ANKS1A: variants seen among roughly 807,000 people sequenced by gnomAD.
ANKS1A encodes the protein ankyrin repeat and sterile alpha motif domain containing 1A.
In ANKS1A, 55 loss-of-function variants were observed where a neutral mutation model predicts 120.3. That is an observed-to-expected ratio of 0.46 (90% CI 0.37 to 0.57). The LOEUF is 0.57. Ranked by LOEUF, ANKS1A falls within the 20% of genes least tolerant of loss-of-function variation. The probability of loss-of-function intolerance (pLI) is 0.00; values close to 1 mark genes in which losing one functional copy is unlikely to be tolerated. For missense variants in ANKS1A, 1,123 were observed against 1,480.3 expected (o/e 0.76, Z 3.96); for synonymous variants, 590 against 604.7 (o/e 0.98, Z 0.36).
At chr6:34,943,663 C>T (rs1250336540) in intron 1 of ANKS1A, among the ~76,000 whole-genome samples, 1 of 152,208 alleles carries the variant, frequency 6.6e-6, no homozygotes, top group Non-Finnish European at 1.5e-5. Flanking sequence ...ACTGAAATAT[C>T]TAGTTGGAAT....
rs1777554030 is a variant in ANKS1A at position 35,079,601 on chromosome 6, CCTT to C, written c.2373_2375del (p.Phe791del). 5 of 1,614,198 alleles carry C rather than the reference CCTT, an allele frequency of 3.1e-6. No homozygotes were observed. The highest frequency in any genetic ancestry group is 4.2e-6 in the Non-Finnish European group (5 of 1,180,030). ...CTGGGGCTGCAGGACTACGTCCATTCCTTCTTGTCAAGTGGTTACAGCTCCATT... is the reference window on the plus strand; with the variant it reads ...CTGGGGCTGCAGGACTACGTCCATTCCTTGTCAAGTGGTTACAGCTCCATT... On this transcript the variant is annotated inframe_deletion, in exon 15 of 24. Coordinates refer to ENST00000360359, the MANE Select transcript of ANKS1A (RefSeq NM_015245.3).
chr6:35,095,148 A>G (rs1778422672), downstream of ANKS1A, among the ~76,000 whole-genome samples: 1 of 151,372 alleles, frequency 6.6e-6, no homozygotes, highest in Admixed American at 6.6e-5. Context: ...TCTCAAAAAA[A>G]AAAAAAAAAA....
At chr6:35,054,988 G>T (rs942961624) in intron 12 of ANKS1A, among the ~76,000 whole-genome samples, 2 of 152,202 alleles carry the variant, frequency 1.3e-5, no homozygotes, top group Non-Finnish European at 2.9e-5. Flanking sequence ...GCCCTGAAGG[G>T]GTGGAAATTC....
chr6:35,095,649 T>TAAAA (rs60295651), downstream of ANKS1A, among the ~76,000 whole-genome samples: 538 of 128,598 alleles, frequency 4.2e-3, 5 homozygotes, highest in African/African-American at 0.011. Context: ...ACTTTTGTGT[T>TAAAA]AAAAAAAAAA....
chr6:35,085,669 A>G lies in ANKS1A; in HGVS notation c.3133-97A>G. The G allele has an allele frequency of 7.5e-7, 1 of 1,325,492 alleles. No homozygotes were observed. The highest frequency in any genetic ancestry group is 1.0e-6 in the Non-Finnish European group (1 of 983,002). The allele number at this position is 1,325,492 out of a possible 1,614,324, so 82.1% of individuals were successfully genotyped here. ...AGGAGGTAGGAGCGCTCCCGGGTAG[A>G]CTTAGAGGGGGACACATGGTCCCTG... On this transcript the variant is annotated intron_variant, in intron 21 of 23. Coordinates refer to ENST00000360359, the MANE Select transcript of ANKS1A (RefSeq NM_015245.3). The surrounding 1 kb of genome is among the most constrained non-coding windows in gnomAD (Gnocchi z 4.7).
chr6:34,988,484 T>C (rs368830930), intron 8 of ANKS1A, among the ~76,000 whole-genome samples: 215 of 152,292 alleles, frequency 1.4e-3, no homozygotes, highest in African/African-American at 4.9e-3. Flanking sequence ...TAGTCCCAGC[T>C]ACTCGGGAGG....
At chr6:35,061,151 C>T (rs1179859972) in intron 13 of ANKS1A, among the ~76,000 whole-genome samples, 1 of 152,182 alleles carries the variant, frequency 6.6e-6, no homozygotes, top group Non-Finnish European at 1.5e-5. Context: ...AATCCATTGC[C>T]CAGATGAAGG....
chr6:34,994,644 A>G (rs1265136723), intron 10 of ANKS1A, among the ~76,000 whole-genome samples: 2 of 152,156 alleles, frequency 1.3e-5, no homozygotes, highest in African/African-American at 2.4e-5. Context: ...TATGCGAAGC[A>G]AGGAAAAGGT....
At chr6:34,893,905 A>G (rs531293398) in intron 1 of ANKS1A, among the ~76,000 whole-genome samples, 58 of 152,340 alleles carry the variant, frequency 3.8e-4, no homozygotes, top group African/African-American at 1.4e-3. Context: ...ATTATGTTCA[A>G]TATAGCTTGT....
chr6:35,032,105 AT>A (rs1209295811), intron 11 of ANKS1A, among the ~76,000 whole-genome samples: 2 of 152,246 alleles, frequency 1.3e-5, no homozygotes, highest in African/African-American at 4.8e-5. Context: ...GGAGAGATAG[AT>A]ATTAAGCAAG....
intron 1 of ANKS1A, among the ~76,000 whole-genome samples, chr6:34,909,619 G>A (rs1412330241): frequency 6.6e-6 from 1 of 152,168 alleles, no homozygotes; most frequent in African/African-American, 2.4e-5. Context: ...GCTGGCCAAC[G>A]GAGTTATAGA....
chr6:35,020,893 A>G (rs1251985640), intron 11 of ANKS1A, among the ~76,000 whole-genome samples: 1 of 152,230 alleles, frequency 6.6e-6, no homozygotes, highest in East Asian at 1.9e-4. Context: ...TGTGACTGAA[A>G]TGCAAAAGCC....
chr6:35,006,039 T>C (rs1265626929), intron 10 of ANKS1A, among the ~76,000 whole-genome samples: 1 of 151,878 alleles, frequency 6.6e-6, no homozygotes, highest in Non-Finnish European at 1.5e-5. Context: ...ATACAAAAAA[T>C]TAGCTGGGTG....
At chr6:35,092,303 C>T (rs369615401), downstream of ANKS1A, among the ~76,000 whole-genome samples, 3 of 152,112 alleles carry the variant, frequency 2.0e-5, no homozygotes, top group African/African-American at 7.2e-5. Flanking sequence ...CTTAAAAGGG[C>T]CTTAAAAAAG....
intron 1 of ANKS1A, among the ~76,000 whole-genome samples, chr6:34,901,819 G>T (rs1265408520): frequency 6.6e-6 from 1 of 152,108 alleles, no homozygotes; most frequent in Non-Finnish European, 1.5e-5. Flanking sequence ...ACAGGACTGA[G>T]GTGTTCTGTT....
At chr6:34,984,391 A>T (rs1199206598) in intron 7 of ANKS1A, among the ~76,000 whole-genome samples, 1 of 152,240 alleles carries the variant, frequency 6.6e-6, no homozygotes, top group Non-Finnish European at 1.5e-5. Flanking sequence ...GTGCAGGGAG[A>T]TACGGGCTGA....
At chr6:35,061,688 C>G (rs906227901) in intron 13 of ANKS1A, among the ~76,000 whole-genome samples, 1 of 152,220 alleles carries the variant, frequency 6.6e-6, no homozygotes, top group Non-Finnish European at 1.5e-5. Flanking sequence ...TTTTAGAAAT[C>G]TTAAGTTTTA....
At position 34,999,283 on chromosome 6, in the gene ANKS1A, G is replaced by A. The variant is rs1441092205; in HGVS notation, c.1423+4861G>A. On this transcript the variant is annotated intron_variant, in intron 10 of 23. Coordinates refer to ENST00000360359, the MANE Select transcript of ANKS1A (RefSeq NM_015245.3). ...GAAGCATGGCCTGATCACCCATGGC[G>A]TGCCTGTACCGGCACTTTGGTTTTT... Among the ~76,000 whole-genome samples, 6 of 152,324 alleles carry A rather than the reference G, an allele frequency of 3.9e-5. No individual in the cohort carries two copies. In the South Asian group the frequency reaches 1.2e-3, roughly 32 times the overall value.
Position 34,964,078 on chromosome 6 carries a change from A to G in ANKS1A, c.198-3161A>G, listed in dbSNP as rs1048368279. Among the ~76,000 whole-genome samples, 5 of 152,056 alleles carry G rather than the reference A, an allele frequency of 3.3e-5. No individual in the cohort carries two copies. The South Asian group carries it at 8.3e-4, about 25-fold the overall frequency. On this transcript the variant is annotated intron_variant, in intron 1 of 23. Coordinates refer to ENST00000360359, the MANE Select transcript of ANKS1A (RefSeq NM_015245.3). ...CTCCTATTCCATAAGTGGTCTTTTT[A>G]CTGTGCTGGCGGTTTCCTTTGCTGT...
Sources: gnomAD v4.1 joint callset for allele counts (sites outside exome capture counted in the v4.1 genomes callset) on GRCh38, gnomAD v4.1.1 for gene constraint, Gnocchi (gnomAD v3.1) non-coding constraint, MANE v1.5 for transcripts, NCBI Gene and HGNC (gene_info 2026-07-23, HGNC 2026-07-21) for gene names.